The following TNRC6A variants were observed in gnomAD, a reference collection of about 807,000 sequenced individuals.
TNRC6A encodes trinucleotide repeat-containing gene 6A protein.
TNRC6A carries 44 observed loss-of-function variants against 221.2 expected under a neutral mutation model. That is an observed-to-expected ratio of 0.20 (90% CI 0.16 to 0.26). The LOEUF (loss-of-function observed/expected upper bound fraction) is 0.26. Ranked by LOEUF, TNRC6A falls within the 10% of genes least tolerant of loss-of-function variation. The pLI, the probability that TNRC6A is intolerant of heterozygous loss-of-function variation, is 1.00. For synonymous variants in TNRC6A, 847 were observed against 838.5 expected (o/e 1.01, Z -0.18); for missense variants, 2,199 against 2,404.4 (o/e 0.91, Z 1.79).
intron 2 of TNRC6A, among the ~76,000 whole-genome samples, chr16:24,724,215 C>T (rs1489344078): frequency 2.0e-5 from 3 of 151,900 alleles, no homozygotes; most frequent in East Asian, 1.9e-4. Flanking sequence ...TGTAATGTAG[C>T]GGGCTCTGGA....
At chr16:24,805,797 A>G (rs913778715) in intron 15 of TNRC6A, 64 bp downstream of exon 15, 48 of 1,605,352 alleles carry the variant, frequency 3.0e-5, no homozygotes, top group Non-Finnish European at 8.5e-7. Context: ...GCCAAACACT[A>G]GACTCTGTGC....
chr16:24,768,177 AT>A (rs1271588638), intron 4 of TNRC6A, among the ~76,000 whole-genome samples: 1 of 152,156 alleles, frequency 6.6e-6, no homozygotes, highest in Non-Finnish European at 1.5e-5. Context: ...CATGCCTGTA[AT>A]CCCAGCACTT....
At position 24,793,616 on chromosome 16, in the gene TNRC6A, A is replaced by G; in HGVS notation, c.3319A>G (p.Ser1107Gly). The stretch of plus-strand genomic sequence containing the variant: ...ATCCAGCACATCCACGTGGGGCTCC[A>G]GCTCTGTTGGTCCACAAGCATTAAG... ...AASSTSTWGS[S>G]SVGPQALSKS... is the part of the protein sequence containing the mutation. Residue 1107 changes from serine (S) to glycine (G), a missense_variant, in exon 7 of 25, where the codon AGC becomes GGC. Transcript: ENST00000395799. The G allele has an allele frequency of 1.1e-5, 17 of 1,544,974 alleles. No homozygotes were observed. Among genetic ancestry groups the G allele is most frequent in the Non-Finnish European group, 1.5e-5 (17 of 1,144,382 alleles).
chr16:24,775,654 A>G (rs1347733357), intron 4 of TNRC6A, among the ~76,000 whole-genome samples: 1 of 152,242 alleles, frequency 6.6e-6, no homozygotes, highest in Non-Finnish European at 1.5e-5. Flanking sequence ...ACTTCTGTTT[A>G]CTGAGTGGTT....
chr16:24,792,663 C>A (rs997303572), intron 6 of TNRC6A, among the ~76,000 whole-genome samples: 1 of 111,432 alleles, frequency 9.0e-6, no homozygotes, highest in East Asian at 2.9e-4. Context: ...CAGCCTAATA[C>A]TTCAGATTTT....
chr16:24,715,505 C>G (rs2056295461), intron 2 of TNRC6A, among the ~76,000 whole-genome samples: 1 of 152,018 alleles, frequency 6.6e-6, no homozygotes, highest in Non-Finnish European at 1.5e-5. Flanking sequence ...GTTTTCTACT[C>G]TGCCTGATGG....
At chr16:24,798,030 C>A (rs914484461) in intron 11 of TNRC6A, 64 bp downstream of exon 11, 9 of 1,435,182 alleles carry the variant, frequency 6.3e-6, no homozygotes, top group Middle Eastern at 1.8e-4. Flanking sequence ...TGACATGATT[C>A]TACTGAAAGA....
intron 4 of TNRC6A, among the ~76,000 whole-genome samples, chr16:24,758,751 C>T (rs774475765): frequency 2.0e-5 from 3 of 152,114 alleles, no homozygotes; most frequent in Non-Finnish European, 4.4e-5. Flanking sequence ...ATTTCTTGTT[C>T]TCTGAAGAAT....
intron 5 of TNRC6A, among the ~76,000 whole-genome samples, chr16:24,785,349 C>T (rs936378344): frequency 6.6e-6 from 1 of 152,178 alleles, no homozygotes; most frequent in African/African-American, 2.4e-5. Context: ...CATTGTTACA[C>T]CTTCATATCC....
intron 1 of TNRC6A, among the ~76,000 whole-genome samples, chr16:24,629,966 C>A (rs1901247933): frequency 7.1e-6 from 1 of 141,022 alleles, no homozygotes; most frequent in South Asian, 2.2e-4. Flanking sequence ...GAGTGAGACC[C>A]TGTCTCAAAA....
rs535737725 is a variant in TNRC6A, at chr16:24,669,941, C to CTTTTT, written n.402+28955_402+28959dup. ...TCGTTATGACCCTATGAGGCAGCTA[C>CTTTTT]TTTTTTTTTTTTTTTTTTTTTTTTT... On this transcript the variant is annotated intron_variant and non_coding_transcript_variant, in intron 2 of 2. Transcript: ENST00000566108. Among the ~76,000 whole-genome samples the CTTTTT allele has an allele frequency of 2.0e-3, 55 of 27,184 alleles. 13 individuals carry two copies. Among genetic ancestry groups the CTTTTT allele is most frequent in the African/African-American group, 4.0e-3 (30 of 7,410 alleles). The allele number at this position is 27,184 out of a possible 152,430, so 17.8% of individuals were successfully genotyped here. A position where few individuals can be genotyped will look rare whatever the true frequency, so the allele number is the denominator to read the frequency against.
chr16:24,633,701 T>C (rs1901471335), intron 1 of TNRC6A, among the ~76,000 whole-genome samples: 2 of 151,354 alleles, frequency 1.3e-5, no homozygotes, highest in South Asian at 4.2e-4. Flanking sequence ...CTTTTATTTC[T>C]TTCCTTGTTT....
intron 3 of TNRC6A, among the ~76,000 whole-genome samples, chr16:24,756,842 A>C (rs2057262627): frequency 6.6e-6 from 1 of 152,116 alleles, no homozygotes; most frequent in Admixed American, 6.6e-5. Context: ...CTTAGTTTCC[A>C]TTGGAAGTAA....
intron 1 of TNRC6A, among the ~76,000 whole-genome samples, chr16:24,628,452 C>A (rs1901154016): frequency 6.6e-6 from 1 of 151,802 alleles, no homozygotes; most frequent in South Asian, 2.1e-4. Context: ...AAAAGTTATA[C>A]CAAGTGTGCC....
In TNRC6A at chr16:24,776,734, G is replaced by A. The variant is rs566314544; in HGVS notation, c.164-199G>A. 3.0e-6 allele frequency: 3 copies of A among 985,412 alleles called. No individual in the cohort carries two copies. The South Asian group carries it at 1.4e-4, about 46-fold the overall frequency. The allele number at this position is 985,412 out of a possible 1,614,324, so 61.0% of individuals were successfully genotyped here. On this transcript the variant is annotated intron_variant, in intron 4 of 24. Coordinates refer to ENST00000395799, the MANE Select transcript of TNRC6A (RefSeq NM_014494.4). ...CCCTGGGCCCTTATTGGGTAGGTAGGTAGCAGAAGTGAAATATGACTCTTG... is the reference window on the plus strand; with the variant it reads ...CCCTGGGCCCTTATTGGGTAGGTAGATAGCAGAAGTGAAATATGACTCTTG...
chr16:24,665,644 G>A (rs904427425), intron 2 of TNRC6A, among the ~76,000 whole-genome samples: 1 of 152,172 alleles, frequency 6.6e-6, no homozygotes, highest in African/African-American at 2.4e-5. Flanking sequence ...ATTGTAGGAT[G>A]TTTCTTTGGC....
At chr16:24,640,416 A>G (rs1901881082) in intron 1 of TNRC6A, among the ~76,000 whole-genome samples, 1 of 150,410 alleles carries the variant, frequency 6.6e-6, no homozygotes, top group South Asian at 2.1e-4. Context: ...AAGAAAGAAA[A>G]AAAAAAAAGG....
rs1567305064 is a variant in TNRC6A at position 24,623,190 on chromosome 16, T to TTACTTAC, written n.276+12707_276+12708insACTTACT. 7.0e-3 allele frequency among the ~76,000 whole-genome samples: 1,030 copies of TTACTTAC among 147,990 alleles called. 25 individuals carry two copies. Among genetic ancestry groups the TTACTTAC allele is most frequent in the African/African-American group, 0.025 (986 of 39,864 alleles). On this transcript the variant is annotated intron_variant and non_coding_transcript_variant, in intron 1 of 2. Coordinates refer to the TNRC6A transcript ENST00000566108. ...ATTTATTTATTTATTTATTTATTTA[T>TTACTTAC]TTACTTATTTTATTTATTTTTTTTT...
At chr16:24,725,317 T>A (rs957402033), upstream of TNRC6A, among the ~76,000 whole-genome samples, 2 of 152,098 alleles carry the variant, frequency 1.3e-5, no homozygotes, top group East Asian at 3.9e-4. Context: ...GGATTACAGA[T>A]GCACACCACC....
Sources: gnomAD v4.1 joint callset for allele counts (sites outside exome capture counted in the v4.1 genomes callset) on GRCh38, gnomAD v4.1.1 for gene constraint, MANE v1.5 for transcripts, NCBI Gene and HGNC (gene_info 2026-07-23, HGNC 2026-07-21) for gene names.